ITGB5: variants seen among roughly 807,000 people sequenced by gnomAD.
ITGB5 encodes the protein integrin beta-5.
ITGB5 carries 38 observed loss-of-function variants against 84.8 expected under a neutral mutation model. That is an observed-to-expected ratio of 0.45 (90% CI 0.35 to 0.59). The LOEUF (loss-of-function observed/expected upper bound fraction) is 0.59. Among genes scored for constraint, ITGB5 ranks in the 20% least tolerant of loss-of-function variants. ITGB5 has a pLI of 0.01. For synonymous variants in ITGB5, 393 were observed against 414.4 expected, an observed-to-expected ratio of 0.95 and a Z score of 0.63; for missense variants, 905 against 1,034.5, an observed-to-expected ratio of 0.87 and a Z score of 1.72.
chr3:124,823,958 A>G (rs2064745562), intron 5 of ITGB5, among the ~76,000 whole-genome samples: 1 of 152,174 alleles, frequency 6.6e-6, no homozygotes, highest in Admixed American at 6.5e-5. Flanking sequence ...ATAAATGGAC[A>G]GAGATATCAT....
At chr3:124,774,785 ACAGCAG>A (rs572103784) in intron 10 of ITGB5, among the ~76,000 whole-genome samples, 44 of 152,070 alleles carry the variant, frequency 2.9e-4, no homozygotes, top group Non-Finnish European at 5.2e-4. Context: ...GATGCTGAGA[ACAGCAG>A]CAGCAGCAGC....
intron 11 of ITGB5, among the ~76,000 whole-genome samples, chr3:124,773,046 C>T (rs1314086730): frequency 6.6e-6 from 1 of 151,406 alleles, no homozygotes. Flanking sequence ...GCTGAGATTA[C>T]AGGCACGTGC....
At chr3:124,780,114 G>A (rs573035841) in intron 10 of ITGB5, among the ~76,000 whole-genome samples, 2 of 122,638 alleles carry the variant, frequency 1.6e-5, no homozygotes, top group Non-Finnish European at 3.2e-5. Flanking sequence ...GGCAGGGCAC[G>A]GGGACCCTCA....
chr3:124,821,013 G>A (rs1477330152), intron 6 of ITGB5, among the ~76,000 whole-genome samples: 1 of 152,138 alleles, frequency 6.6e-6, no homozygotes, highest in Admixed American at 6.5e-5. Flanking sequence ...TCCCCACTAT[G>A]AGATCTATCC....
chr3:124,843,860 TA>T (rs1336439886), intron 4 of ITGB5, among the ~76,000 whole-genome samples: 3 of 152,066 alleles, frequency 2.0e-5, no homozygotes, highest in Non-Finnish European at 4.4e-5. Flanking sequence ...ACAAGGGAGA[TA>T]AAAAATAAAA....
intron 10 of ITGB5, among the ~76,000 whole-genome samples, chr3:124,784,492 T>C (rs1424413892): frequency 6.6e-6 from 1 of 152,162 alleles, no homozygotes; most frequent in East Asian, 1.9e-4. Flanking sequence ...AGTGAGACCC[T>C]ATCTCAAACA....
intron 8 of ITGB5, among the ~76,000 whole-genome samples, chr3:124,811,568 C>T (rs897973682): frequency 1.2e-4 from 19 of 152,132 alleles, no homozygotes; most frequent in African/African-American, 4.6e-4. Flanking sequence ...CCCAAGCCGC[C>T]ACTCGAAAGC....
intron 10 of ITGB5, among the ~76,000 whole-genome samples, chr3:124,777,822 A>G (rs2063946472): frequency 6.6e-6 from 1 of 152,224 alleles, no homozygotes; most frequent in Non-Finnish European, 1.5e-5. Flanking sequence ...GTCACATTTT[A>G]TCCCAATCCA....
At chr3:124,893,466 C>T (rs1157703301) in intron 1 of ITGB5, among the ~76,000 whole-genome samples, 2 of 151,978 alleles carry the variant, frequency 1.3e-5, no homozygotes, top group Non-Finnish European at 2.9e-5. Flanking sequence ...AATTATATTC[C>T]TTTTTATAGG....
At chr3:124,870,002 C>T (rs1933913751) in intron 2 of ITGB5, among the ~76,000 whole-genome samples, 1 of 152,222 alleles carries the variant, frequency 6.6e-6, no homozygotes, top group Non-Finnish European at 1.5e-5. Context: ...TCCTCTCATG[C>T]ACGGATCTCA....
chr3:124,844,104 T>C (rs1169890723), intron 4 of ITGB5, among the ~76,000 whole-genome samples: 3 of 150,666 alleles, frequency 2.0e-5, no homozygotes, highest in Non-Finnish European at 4.4e-5. Context: ...TTAAAATTTT[T>C]TAATATATAG....
chr3:124,772,234 G>C (rs2063856656), intron 11 of ITGB5, among the ~76,000 whole-genome samples: 1 of 152,076 alleles, frequency 6.6e-6, no homozygotes, highest in Non-Finnish European at 1.5e-5. Context: ...GGTCTAAAGT[G>C]AATCTGTTTT....
At chr3:124,778,316 T>TTC (rs2063953797) in intron 10 of ITGB5, among the ~76,000 whole-genome samples, 1 of 152,224 alleles carries the variant, frequency 6.6e-6, no homozygotes, top group Non-Finnish European at 1.5e-5. Flanking sequence ...TTCAGCTGTA[T>TTC]AGAATTCAAC....
At chr3:124,797,938 G>T (rs954806848) in intron 9 of ITGB5, among the ~76,000 whole-genome samples, 1 of 151,818 alleles carries the variant, frequency 6.6e-6, no homozygotes, top group African/African-American at 2.4e-5. Flanking sequence ...ACTGGATCTG[G>T]GTCCAAATGT....
At chr3:124,809,692 A>C (rs2064467563) in intron 8 of ITGB5, among the ~76,000 whole-genome samples, 1 of 152,170 alleles carries the variant, frequency 6.6e-6, no homozygotes, top group Admixed American at 6.5e-5. Flanking sequence ...TCCCCATCAG[A>C]TGAGGTCCAT....
At chr3:124,887,485 C>T (rs1171659734), upstream of ITGB5, 4 of 187,556 alleles carry the variant, frequency 2.1e-5, no homozygotes, top group South Asian at 2.1e-4. Context: ...ACACGGTCAG[C>T]TTACGGTGAG....
chr3:124,790,535 T>G lies in ITGB5; in HGVS notation c.1693+5853A>C, dbSNP rs71323897. Among the ~76,000 whole-genome samples the G allele has an allele frequency of 1.0e-3, 151 of 146,398 alleles. 2 individuals carry two copies. Among genetic ancestry groups the G allele is most frequent in the South Asian group, 6.6e-4 (3 of 4,528 alleles). On this transcript the variant is annotated intron_variant, in intron 10 of 14. Transcript: ENST00000296181. ...TATCAGAACCGCCTTTGACTAGACA[T>G]GGTTAACAGAACTGCCTTTGACTAG...
chr3:124,768,304 C>T (rs755771083), intron 12 of ITGB5, among the ~76,000 whole-genome samples: 1 of 152,180 alleles, frequency 6.6e-6, no homozygotes, highest in Non-Finnish European at 1.5e-5. Flanking sequence ...TTAAAGTGTA[C>T]AATCAGTCGT....
intron 3 of ITGB5, among the ~76,000 whole-genome samples, chr3:124,854,236 T>C (rs77146879): frequency 1.2e-3 from 185 of 152,282 alleles, no homozygotes; most frequent in African/African-American, 4.2e-3. Context: ...CCCAAGATTA[T>C]TGAAAACATA....
Sources: gnomAD v4.1 joint callset for allele counts (sites outside exome capture counted in the v4.1 genomes callset) on GRCh38, gnomAD v4.1.1 for gene constraint, MANE v1.5 for transcripts, NCBI Gene and HGNC (gene_info 2026-07-23, HGNC 2026-07-21) for gene names.